The following CDKAL1 variants were observed in gnomAD, a reference collection of about 807,000 sequenced individuals.
The protein encoded by CDKAL1 is threonylcarbamoyladenosine tRNA methylthiotransferase.
CDKAL1 carries 32 observed loss-of-function variants against 68.2 expected under a neutral mutation model. The ratio of observed to expected loss-of-function variants is 0.47; its 90% confidence interval spans 0.35 to 0.63. The LOEUF is 0.63. CDKAL1 is among the 30% of genes least tolerant of loss of function. CDKAL1 has a pLI of 0.00. For missense variants in CDKAL1, 606 were observed against 696.7 expected (o/e 0.87, Z 1.47); for synonymous variants, 234 against 244.3 (o/e 0.96, Z 0.39).
At chr6:20,761,637 T>C (rs1774472332) in intron 7 of CDKAL1, among the ~76,000 whole-genome samples, 1 of 152,150 alleles carries the variant, frequency 6.6e-6, no homozygotes, top group Admixed American at 6.5e-5. Context: ...GGACTTTAAA[T>C]GCATACTATG....
intron 9 of CDKAL1, among the ~76,000 whole-genome samples, chr6:20,955,142 CT>C (rs1764718591): frequency 2.6e-5 from 4 of 152,072 alleles, no homozygotes; most frequent in African/African-American, 9.7e-5. Context: ...GATCAAAGTG[CT>C]TTGGGGGAAG....
At chr6:21,208,762 G>A (rs111328308) in intron 15 of CDKAL1, among the ~76,000 whole-genome samples, 3 of 152,102 alleles carry the variant, frequency 2.0e-5, no homozygotes, top group East Asian at 1.9e-4. Context: ...TGGTTAGGAC[G>A]TATTTGAGTT....
At chr6:20,680,627 A>G (rs932152803) in intron 5 of CDKAL1, among the ~76,000 whole-genome samples, 10 of 152,204 alleles carry the variant, frequency 6.6e-5, no homozygotes, top group Admixed American at 4.6e-4. Flanking sequence ...TGTTCTTTCT[A>G]TAAGCAAGAC....
In CDKAL1 at chr6:20,765,460, A is replaced by G. The variant is rs1036015047; in HGVS notation, c.517+6817A>G. 5.3e-5 allele frequency among the ~76,000 whole-genome samples: 8 copies of G among 152,014 alleles called. 2 individuals are homozygous for G. Among genetic ancestry groups the G allele is most frequent in the African/African-American group, 1.7e-4 (7 of 41,380 alleles). Reference sequence around the variant, plus strand: ...CGTGAGCCACCGCGCCCGGCCGGTTACATTCTTAAATGCACTCAGTTTATC... The same window carrying G: ...CGTGAGCCACCGCGCCCGGCCGGTTGCATTCTTAAATGCACTCAGTTTATC... On this transcript the variant is annotated intron_variant, in intron 7 of 15. Coordinates refer to ENST00000274695, the MANE Select transcript of CDKAL1 (RefSeq NM_017774.3).
intron 4 of CDKAL1, among the ~76,000 whole-genome samples, chr6:20,614,992 A>C (rs1206957067): frequency 7.4e-6 from 1 of 134,246 alleles, no homozygotes; most frequent in Non-Finnish European, 1.6e-5. Context: ...ATGTGATCTC[A>C]TTGTTCAATT....
intron 13 of CDKAL1, among the ~76,000 whole-genome samples, chr6:21,143,384 A>G (rs567064020): frequency 1.3e-5 from 2 of 152,202 alleles, no homozygotes; most frequent in East Asian, 3.9e-4. Context: ...TCAGGAGTGT[A>G]AGGTAGGACC....
rs199500086 is a variant in CDKAL1 at position 20,817,708 on chromosome 6, ATTG to A, written c.639-28361_639-28359del. On this transcript the variant is annotated intron_variant, in intron 8 of 15. Coordinates refer to ENST00000274695, the MANE Select transcript of CDKAL1 (RefSeq NM_017774.3). ...ACTATCTGAAAAGAGTTGACTAATT[ATTG>A]TTGTTTGAAGCAATAGTGATATGGT... Among the ~76,000 whole-genome samples, 777 of 152,232 alleles carry A rather than the reference ATTG, an allele frequency of 5.1e-3. 3 individuals are homozygous for A. The highest frequency in any genetic ancestry group is 0.018 in the African/African-American group (749 of 41,552).
chr6:21,149,601 A>G (rs539110965), intron 13 of CDKAL1, among the ~76,000 whole-genome samples: 1 of 152,306 alleles, frequency 6.6e-6, no homozygotes, highest in East Asian at 1.9e-4. Context: ...TCACATTCCC[A>G]AAAAGCCTTG....
chr6:20,914,854 T>C (rs977457481), intron 9 of CDKAL1, among the ~76,000 whole-genome samples: 13 of 152,286 alleles, frequency 8.5e-5, no homozygotes, highest in African/African-American at 3.1e-4. Context: ...TTTGACAAAA[T>C]TTGAATATCA....
chr6:20,588,738 A>G (rs1318950341), intron 4 of CDKAL1, among the ~76,000 whole-genome samples: 3 of 152,170 alleles, frequency 2.0e-5, no homozygotes, highest in African/African-American at 7.2e-5. Flanking sequence ...TTTCTCTAGT[A>G]AGTTAATGAG....
intron 11 of CDKAL1, among the ~76,000 whole-genome samples, chr6:21,050,390 G>A (rs2150910024): frequency 6.6e-6 from 1 of 152,292 alleles, no homozygotes; most frequent in East Asian, 1.9e-4. Context: ...ACCTGTGTTT[G>A]GCAGTTCCCG....
intron 12 of CDKAL1, among the ~76,000 whole-genome samples, chr6:21,081,240 A>G (rs1772383765): frequency 6.6e-6 from 1 of 152,186 alleles, no homozygotes; most frequent in African/African-American, 2.4e-5. Context: ...GTTTTCTCTC[A>G]CATGCTGAAA....
intron 9 of CDKAL1, among the ~76,000 whole-genome samples, chr6:20,884,125 T>G (rs1490660785): frequency 6.6e-6 from 1 of 152,184 alleles, no homozygotes; most frequent in African/African-American, 2.4e-5. Flanking sequence ...CATCATCAAG[T>G]GGGATTTATC....
rs887919836 is a variant in CDKAL1 at position 20,992,763 on chromosome 6, G to A, written c.910-7464G>A. ...GGAAAAATGTAAAAATTAGCCTGGC[G>A]TGGTGGCATGTGCTTGTCATCCCAT... On this transcript the variant is annotated intron_variant, in intron 10 of 15. Coordinates refer to ENST00000274695, the MANE Select transcript of CDKAL1 (RefSeq NM_017774.3). Among the ~76,000 whole-genome samples the A allele has an allele frequency of 7.2e-5, 11 of 152,004 alleles. No individual in the cohort carries two copies. The South Asian group carries it at 1.2e-3, about 17-fold the overall frequency.
chr6:20,807,361 C>G (rs12191782), intron 8 of CDKAL1, among the ~76,000 whole-genome samples: 1 of 152,114 alleles, frequency 6.6e-6, no homozygotes, highest in African/African-American at 2.4e-5. Flanking sequence ...GTAGCTGGCA[C>G]TACAGGCGCA....
intron 9 of CDKAL1, among the ~76,000 whole-genome samples, chr6:20,897,706 GAT>G (rs1196831129): frequency 2.0e-5 from 3 of 151,898 alleles, no homozygotes; most frequent in African/African-American, 7.3e-5. Flanking sequence ...ACTGAATTGA[GAT>G]AAAATAAAGT....
At chr6:20,709,868 C>T (rs1435295133) in intron 5 of CDKAL1, among the ~76,000 whole-genome samples, 1 of 152,072 alleles carries the variant, frequency 6.6e-6, no homozygotes, top group African/African-American at 2.4e-5. Flanking sequence ...TCCTTGAAGA[C>T]CTGAGTAAGA....
intron 12 of CDKAL1, among the ~76,000 whole-genome samples, chr6:21,096,446 G>T (rs1773319950): frequency 6.6e-6 from 1 of 152,156 alleles, no homozygotes. Context: ...GTTAGATTCA[G>T]TAAAGGCACA....
chr6:20,705,457 A>C (rs1016121446), intron 5 of CDKAL1, among the ~76,000 whole-genome samples: 1 of 152,234 alleles, frequency 6.6e-6, no homozygotes, highest in Non-Finnish European at 1.5e-5. Flanking sequence ...ACTATTATTT[A>C]GCTACTGTTT....
Sources: allele counts gnomAD v4.1 joint callset (sites outside exome capture counted in the v4.1 genomes callset), GRCh38; gene constraint gnomAD v4.1.1; transcripts MANE v1.5; gene names NCBI Gene and HGNC (gene_info 2026-07-23, HGNC 2026-07-21).